Variants in MROH7 observed in about 807,000 individuals in gnomAD.
MROH7 encodes maestro heat-like repeat-containing protein family member 7.
MROH7 carries 113 observed loss-of-function variants against 129.2 expected under a neutral mutation model. The ratio of observed to expected loss-of-function variants is 0.87; its 90% CI spans 0.75 to 1.02. The LOEUF is 1.02. MROH7 is among the 50% of genes least tolerant of loss of function. The probability of loss-of-function intolerance (pLI) is 0.00; values close to 1 mark genes in which losing one functional copy is unlikely to be tolerated. For synonymous variants in MROH7, 655 were observed against 667.9 expected (o/e 0.98, Z 0.30); for missense variants, 1,601 against 1,671.3 (o/e 0.96, Z 0.73).
At chr1:54,667,628 G>A (rs897928914) in intron 4 of MROH7, among the ~76,000 whole-genome samples, 7 of 151,728 alleles carry the variant, frequency 4.6e-5, no homozygotes, top group African/African-American at 1.7e-4. Flanking sequence ...GCTAATTTTT[G>A]TATTTTTAGT....
In MROH7 at chr1:54,662,912, C is replaced by T. The variant is rs573947159; in HGVS notation, c.1232-2255C>T. Among the ~76,000 whole-genome samples the T allele has an allele frequency of 8.5e-5, 13 of 152,242 alleles. No homozygotes were observed. The East Asian group carries it at 2.5e-3, about 29-fold the overall frequency. The stretch of plus-strand genomic sequence containing the variant: ...ATTTTTGTAGGATGTGCCTCAGTTT[C>T]GATTTGTCTGATGCTTGCTCATGAT... On this transcript the variant is annotated intron_variant, in intron 3 of 23. Transcript: ENST00000421030.
intron 11 of MROH7, among the ~76,000 whole-genome samples, 186 bp downstream of exon 11, chr1:54,679,040 T>G (rs1342710798): frequency 6.6e-6 from 1 of 152,210 alleles, no homozygotes; most frequent in Non-Finnish European, 1.5e-5. Context: ...TCCTTCTCCC[T>G]TACGCATGTC....
At chr1:54,663,703 A>AC (rs1644768745) in intron 3 of MROH7, 16 of 309,946 alleles carry the variant, frequency 5.2e-5, no homozygotes, top group African/African-American at 4.7e-4. Context: ...AAAAAAAAAC[A>AC]AAAAAAAAAC....
chr1:54,660,387 A>C (rs1220626391), intron 3 of MROH7, among the ~76,000 whole-genome samples: 1 of 152,256 alleles, frequency 6.6e-6, no homozygotes, highest in African/African-American at 2.4e-5. Flanking sequence ...TTGGAGATTA[A>C]GTTCAACATG....
At position 54,678,844 on chromosome 1, in the gene MROH7, G is replaced by C. The variant is rs752707727; in HGVS notation, c.2039G>C (p.Arg680Pro). The change falls in exon 11 of 24, where the codon CGG becomes CCG. Residue 680 changes from arginine (R) to proline (P), a missense_variant. Coordinates refer to ENST00000421030, the MANE Select transcript of MROH7 (RefSeq NM_001039464.4). ...NPVSPCQNIL[R>P]VIEEFGDFLG... ...GTGAGCCCGTGCCAGAACATTCTGC[G>C]GGTGATCGAGGTGACTGCCTGGTGC... 17 of 1,613,442 alleles carry C rather than the reference G, an allele frequency of 1.1e-5. No individual in the cohort carries two copies. The highest frequency in any genetic ancestry group is 3.3e-5 in the Admixed American group (2 of 59,972).
rs1644926942 is a variant in MROH7, at chr1:54,673,096, T to C, written c.1605T>C (p.Leu535=). 1 of 1,613,168 alleles carries C rather than the reference T, an allele frequency of 6.2e-7. No individual in the cohort carries two copies. The highest frequency in any genetic ancestry group is 8.5e-7 in the Non-Finnish European group (1 of 1,179,274). The change falls in exon 8 of 24, where the codon CTT becomes CTC. Residue 535 remains leucine, a synonymous_variant. Coordinates refer to ENST00000421030, the MANE Select transcript of MROH7 (RefSeq NM_001039464.4). The part of the protein sequence containing the change: ...DEAKAETIQA[L]YHQTLEALQT... ...GGTCCTCCTCCCATCCACAGGCTCT[T>C]TACCATCAGACCCTGGAGGCCCTGC...
chr1:54,708,326 C>G (rs1426669852), intron 22 of MROH7, among the ~76,000 whole-genome samples: 3 of 152,168 alleles, frequency 2.0e-5, no homozygotes, highest in Admixed American at 6.5e-5. Flanking sequence ...ACTCAGGAGG[C>G]TGAGGCAGGA....
intron 3 of MROH7, among the ~76,000 whole-genome samples, chr1:54,658,859 G>A (rs149277720): frequency 0.015 from 2,211 of 152,216 alleles, 46 homozygotes; most frequent in Middle Eastern, 0.027. Context: ...ACTCTACTTA[G>A]TAGATGCTAG....
intron 3 of MROH7, among the ~76,000 whole-genome samples, chr1:54,657,253 G>T (rs1270862313): frequency 6.6e-6 from 1 of 151,654 alleles, no homozygotes; most frequent in East Asian, 1.9e-4. Context: ...ATTTCACCAT[G>T]TTACCCAGGC....
intron 19 of MROH7, among the ~76,000 whole-genome samples, chr1:54,701,602 G>A (rs1645437226): frequency 6.6e-6 from 1 of 152,128 alleles, no homozygotes; most frequent in Non-Finnish European, 1.5e-5. Context: ...CTTTTTAAAG[G>A]CAGGATCTTG....
intron 15 of MROH7, among the ~76,000 whole-genome samples, chr1:54,687,860 CT>C (rs374965799): frequency 8.3e-5 from 12 of 143,920 alleles, no homozygotes; most frequent in African/African-American, 1.5e-4. Context: ...ATTGAGTTTG[CT>C]TTTTTTCTTT....
intron 4 of MROH7, among the ~76,000 whole-genome samples, chr1:54,667,877 G>A (rs1290452636): frequency 6.6e-6 from 1 of 152,242 alleles, no homozygotes; most frequent in Non-Finnish European, 1.5e-5. Context: ...TTGAGCCCAG[G>A]AATTCGAGAT....
At chr1:54,695,262 G>T in intron 16 of MROH7, 114 bp from the exon 17 acceptor site, 1 of 633,376 alleles carries the variant, frequency 1.6e-6, no homozygotes, top group South Asian at 1.9e-5. Flanking sequence ...TGGGAACGCA[G>T]GAATCCAGGT....
At chr1:54,651,864 G>A (rs1341751065) in intron 1 of MROH7, 85 bp from the exon 2 acceptor site, 3 of 150,718 alleles carry the variant, frequency 2.0e-5, no homozygotes, top group African/African-American at 4.9e-5. Context: ...GTTAACAGAC[G>A]TGCATGCCTG....
At chr1:54,682,192 G>A (rs1350652454) in intron 13 of MROH7, among the ~76,000 whole-genome samples, 6 of 136,594 alleles carry the variant, frequency 4.4e-5, no homozygotes, top group African/African-American at 1.7e-4. Flanking sequence ...ATGGAGTTTC[G>A]CTCTTTTCTC....
chr1:54,679,285 C>G lies in MROH7; in HGVS notation c.2072C>G (p.Pro691Arg). 6.2e-7 allele frequency: 1 copy of G among 1,614,178 alleles called. No individual in the cohort carries two copies. The highest frequency in any genetic ancestry group is 8.5e-7 in the Non-Finnish European group (1 of 1,180,016). The change falls in exon 12 of 24, where the codon CCC becomes CGC. Residue 691 changes from proline to arginine, a missense_variant. Coordinates refer to ENST00000421030, the MANE Select transcript of MROH7 (RefSeq NM_001039464.4). ...VIEEFGDFLGPQQIKDLLLAA... is the reference protein window; with the variant it reads ...VIEEFGDFLGRQQIKDLLLAA... ...CAGGAATTTGGAGACTTCCTGGGGC[C>G]CCAGCAGATAAAGGACCTGCTGCTG...
intron 22 of MROH7, among the ~76,000 whole-genome samples, chr1:54,708,007 G>A (rs556729011): frequency 1.3e-5 from 2 of 152,112 alleles, no homozygotes; most frequent in South Asian, 2.1e-4. Flanking sequence ...AGAAAAGCTC[G>A]CAGATACTCA....
At chr1:54,708,645 C>G (rs1645574403) in intron 22 of MROH7, among the ~76,000 whole-genome samples, 1 of 152,160 alleles carries the variant, frequency 6.6e-6, no homozygotes, top group South Asian at 2.1e-4. Context: ...ATGCAAGGTG[C>G]TCAGTGTCTT....
At chr1:54,699,161 T>TCTTTCTGTCTGTG (rs1553176968) in intron 17 of MROH7, 4 of 113,502 alleles carry the variant, frequency 3.5e-5, no homozygotes, top group African/African-American at 1.4e-4. Context: ...TTTCTTTCTT[T>TCTTTCTGTCTGTG]TCTTTCTTTC....
Sources: allele counts gnomAD v4.1 joint callset (sites outside exome capture counted in the v4.1 genomes callset), GRCh38; gene constraint gnomAD v4.1.1; transcripts MANE v1.5; gene names NCBI Gene and HGNC (gene_info 2026-07-23, HGNC 2026-07-21).